SLC10A7: variants seen among roughly 807,000 people sequenced by gnomAD.
SLC10A7 encodes solute carrier family 10 member 7, also known as sodium/bile acid cotransporter 7.
In SLC10A7, 29 loss-of-function variants were observed where a neutral mutation model predicts 43.2. The observed-to-expected ratio is 0.67, with a 90% CI of 0.50 to 0.92. The LOEUF (loss-of-function observed/expected upper bound fraction) is 0.92. Among genes scored for constraint, SLC10A7 ranks in the 40% least tolerant of loss-of-function variants. The pLI, the probability that SLC10A7 is intolerant of heterozygous loss-of-function variation, is 0.00. For synonymous variants in SLC10A7, 152 were observed against 144.8 expected (o/e 1.05, Z -0.35); for missense variants, 295 against 403.2 (o/e 0.73, Z 2.30).
chr4:146,475,335 G>A (rs1291072474), intron 4 of SLC10A7, among the ~76,000 whole-genome samples: 3 of 151,740 alleles, frequency 2.0e-5, no homozygotes, highest in Non-Finnish European at 1.5e-5. Flanking sequence ...AATCTTACTT[G>A]AAAAAAAGAA....
intron 5 of SLC10A7, among the ~76,000 whole-genome samples, chr4:146,337,958 T>G (rs1475374664): frequency 6.6e-6 from 1 of 152,020 alleles, no homozygotes; most frequent in Non-Finnish European, 1.5e-5. Context: ...TTGGAATACA[T>G]GAAAATAAGG....
chr4:146,515,841 C>T (rs1014949806), intron 2 of SLC10A7, among the ~76,000 whole-genome samples: 2 of 129,672 alleles, frequency 1.5e-5, no homozygotes, highest in Admixed American at 9.5e-5. Flanking sequence ...ACCCGGGAGG[C>T]GGAGGTTGCA....
intron 5 of SLC10A7, among the ~76,000 whole-genome samples, chr4:146,429,442 T>C (rs1729609035): frequency 6.6e-6 from 1 of 152,170 alleles, no homozygotes; most frequent in Non-Finnish European, 1.5e-5. Flanking sequence ...ACTATAAATA[T>C]TGAAGATAGA....
chr4:146,475,775 G>A (rs1285391360), intron 4 of SLC10A7, among the ~76,000 whole-genome samples: 2 of 152,008 alleles, frequency 1.3e-5, no homozygotes, highest in Non-Finnish European at 2.9e-5. Flanking sequence ...AATCCATCAC[G>A]AACTAAAAAG....
intron 4 of SLC10A7, among the ~76,000 whole-genome samples, chr4:146,486,432 T>G (rs1734928316): frequency 6.6e-6 from 1 of 152,250 alleles, no homozygotes; most frequent in South Asian, 2.1e-4. Flanking sequence ...AGGAAATATT[T>G]TATATGACCT....
chr4:146,432,178 T>C (rs1461503185), intron 5 of SLC10A7, among the ~76,000 whole-genome samples: 3 of 152,172 alleles, frequency 2.0e-5, no homozygotes, highest in Non-Finnish European at 4.4e-5. Flanking sequence ...ACTTATACAA[T>C]CCTGCTAGGA....
chr4:146,343,878 G>A (rs1166950346), intron 5 of SLC10A7, among the ~76,000 whole-genome samples: 2 of 151,926 alleles, frequency 1.3e-5, no homozygotes, highest in Non-Finnish European at 2.9e-5. Flanking sequence ...CTCATCTAAA[G>A]GAATTTTTTA....
At chr4:146,331,259 T>C (rs919405357) in intron 5 of SLC10A7, among the ~76,000 whole-genome samples, 4 of 152,182 alleles carry the variant, frequency 2.6e-5, no homozygotes, top group African/African-American at 4.8e-5. Flanking sequence ...GAGGACAGCA[T>C]GTCCCTTTAA....
intron 5 of SLC10A7, chr4:146,442,415 C>T: frequency 9.9e-7 from 1 of 1,013,618 alleles, no homozygotes; most frequent in African/African-American, 1.7e-5. Context: ...CCCTTTCTGA[C>T]CAGCTGGGTC....
chr4:146,260,879 A>T (rs933299744), intron 10 of SLC10A7, among the ~76,000 whole-genome samples: 2 of 151,976 alleles, frequency 1.3e-5, no homozygotes, highest in African/African-American at 4.8e-5. Context: ...GTATGGTGTC[A>T]AACTCCCGTG....
At chr4:146,467,372 GC>G (rs1015091308) in intron 4 of SLC10A7, among the ~76,000 whole-genome samples, 1 of 151,350 alleles carries the variant, frequency 6.6e-6, no homozygotes, top group Admixed American at 6.6e-5. Flanking sequence ...GACTAGTTAA[GC>G]TAGCTATTAC....
At chr4:146,516,465 TATATGTATATGTGTATATATATA>T (rs1737982027) in intron 2 of SLC10A7, among the ~76,000 whole-genome samples, 1 of 147,888 alleles carries the variant, frequency 6.8e-6, no homozygotes, top group Non-Finnish European at 1.5e-5. Flanking sequence ...TATGTATGTG[TATATGTATATGTGTATATATATA>T]CACATATACA....
intron 5 of SLC10A7, among the ~76,000 whole-genome samples, chr4:146,385,789 G>A (rs890797497): frequency 6.6e-6 from 1 of 152,006 alleles, no homozygotes; most frequent in Non-Finnish European, 1.5e-5. Flanking sequence ...GTCTCTTGTT[G>A]CCATCTTCAT....
At chr4:146,502,239 A>G (rs908045343) in intron 4 of SLC10A7, among the ~76,000 whole-genome samples, 2 of 152,234 alleles carry the variant, frequency 1.3e-5, no homozygotes, top group Non-Finnish European at 2.9e-5. Flanking sequence ...AATTAAAAAG[A>G]CTGAAAATAC....
intron 4 of SLC10A7, among the ~76,000 whole-genome samples, chr4:146,491,659 G>A (rs918300483): frequency 6.8e-6 from 1 of 148,118 alleles, no homozygotes; most frequent in African/African-American, 2.5e-5. Context: ...AAGGAAGGAG[G>A]GAGAGAGGGA....
rs1731449558 is a variant in SLC10A7, at chr4:146,305,007, G to C, written c.555+919C>G. On this transcript the variant is annotated intron_variant, in intron 7 of 11. Transcript: ENST00000335472. ...GTAAACTAGTTCAACCATTGTGGAA[G>C]TCAGTGTGGCGATTCCTCGGGGATC... 2.0e-5 allele frequency among the ~76,000 whole-genome samples: 3 copies of C among 151,904 alleles called. No homozygotes were observed. The South Asian group carries it at 6.3e-4, about 32-fold the overall frequency.
At chr4:146,301,228 G>A (rs1283973100) in intron 7 of SLC10A7, among the ~76,000 whole-genome samples, 1 of 152,190 alleles carries the variant, frequency 6.6e-6, no homozygotes, top group Non-Finnish European at 1.5e-5. Context: ...GCAGGCAGGC[G>A]TCACATTAGA....
chr4:146,401,839 G>A (rs1389237369), intron 5 of SLC10A7, among the ~76,000 whole-genome samples: 2 of 152,124 alleles, frequency 1.3e-5, no homozygotes, highest in Non-Finnish European at 2.9e-5. Flanking sequence ...GGGGTGCTTT[G>A]AATCAGTATT....
intron 1 of SLC10A7, among the ~76,000 whole-genome samples, chr4:146,519,180 C>T (rs1223292030): frequency 1.6e-5 from 2 of 124,504 alleles, no homozygotes; most frequent in African/African-American, 6.1e-5. Context: ...CAATAATGTA[C>T]ATAATATATA....
Sources: allele counts gnomAD v4.1 joint callset (sites outside exome capture counted in the v4.1 genomes callset), GRCh38; gene constraint gnomAD v4.1.1; transcripts MANE v1.5; gene names NCBI Gene and HGNC (gene_info 2026-07-23, HGNC 2026-07-21).